Variants in DUSP15 observed in about 807,000 individuals in gnomAD.
DUSP15 encodes the protein dual specificity phosphatase 15, also known as dual specificity protein phosphatase 15.
Under a neutral mutation model 26.3 loss-of-function variants are expected in DUSP15, and 23 were observed. That is an observed-to-expected ratio of 0.87 (90% CI 0.63 to 1.24). DUSP15 has a LOEUF of 1.24. DUSP15 is among the 50% of genes most tolerant of loss of function. DUSP15 has a pLI of 0.00. For synonymous variants in DUSP15, 143 were observed against 135.5 expected (o/e 1.06, Z -0.39); for missense variants, 364 against 320.6 (o/e 1.14, Z -1.03).
downstream of DUSP15, among the ~76,000 whole-genome samples, chr20:31,856,529 C>T (rs139474810): frequency 3.3e-5 from 5 of 152,088 alleles, no homozygotes; most frequent in East Asian, 1.9e-4. Flanking sequence ...GCAGAGGGAC[C>T]GAAGAGACAT....
Position 31,870,308 on chromosome 20 carries a change from G to C in DUSP15, c.21+9C>G. The C allele has an allele frequency of 8.0e-7, 1 of 1,246,688 alleles. No individual in the cohort carries two copies. The allele number at this position is 1,246,688 out of a possible 1,614,324, so 77.2% of individuals were successfully genotyped here. ...GGACCGGGGAGGCTGCGCGGGGCCC[G>C]CCCCCTACCTTGGTCATGCCATTGC... On this transcript the variant is annotated intron_variant, in intron 1 of 6. Transcript: ENST00000339738. This position sits in a 1 kb window ranked among gnomAD's most constrained non-coding sequence, Gnocchi z 6.6.
intron 6 of DUSP15, among the ~76,000 whole-genome samples, chr20:31,853,078 C>G (rs1347941845): frequency 6.6e-6 from 1 of 152,172 alleles, no homozygotes; most frequent in East Asian, 1.9e-4. Context: ...TGCCCTCTCT[C>G]TCCCTCCTTT....
intron 3 of DUSP15, 52 bp from the exon 4 acceptor site, chr20:31,865,054 G>C: frequency 6.2e-7 from 1 of 1,604,188 alleles, no homozygotes. Flanking sequence ...AACCCTCCCT[G>C]ATGCTGGTCC....
At chr20:31,851,149 G>A (rs1382211586) in intron 6 of DUSP15, among the ~76,000 whole-genome samples, 2 of 152,188 alleles carry the variant, frequency 1.3e-5, no homozygotes, top group Non-Finnish European at 2.9e-5. Context: ...TAAAGAGAAA[G>A]TTGATGAAGA....
chr20:31,863,656 T>G, intron 5 of DUSP15: 1 of 480,290 alleles, frequency 2.1e-6, no homozygotes. Flanking sequence ...CAGGTCAGCT[T>G]TCTTTTCCGC....
intron 3 of DUSP15, among the ~76,000 whole-genome samples, chr20:31,866,271 G>T (rs1423635888): frequency 2.0e-5 from 3 of 152,168 alleles, no homozygotes; most frequent in African/African-American, 7.2e-5. Context: ...GGGTGAAGAG[G>T]CTCTGTTTAT....
At chr20:31,848,316 G>A (rs912081658) in exon 10 of DUSP15, 11 of 1,423,392 alleles carry the variant, frequency 7.7e-6, no homozygotes, top group Middle Eastern at 3.8e-4. Flanking sequence ...GCAGACCTGG[G>A]TGATGTGCCG....
intron 5 of DUSP15, chr20:31,863,626 A>G (rs1600472220): frequency 2.6e-6 from 1 of 386,936 alleles, no homozygotes; most frequent in Non-Finnish European, 4.8e-6. Context: ...GACCTCACCT[A>G]TCCCTCCCAA....
intron 7 of DUSP15, among the ~76,000 whole-genome samples, chr20:31,850,063 A>G (rs537219869): frequency 1.8e-4 from 27 of 152,372 alleles, no homozygotes; most frequent in Non-Finnish European, 3.5e-4. Flanking sequence ...AATAGCTTCC[A>G]GTATAAACGA....
downstream of DUSP15, among the ~76,000 whole-genome samples, chr20:31,846,673 G>A (rs1395964424): frequency 2.6e-5 from 4 of 152,120 alleles, no homozygotes. Context: ...GCAGGGAGGG[G>A]CACCTAGGAT....
chr20:31,870,208 G>A lies in DUSP15; in HGVS notation c.21+109C>T, dbSNP rs2062891474. ...CAGGGACACGGAGATGCCGCCGCACGGAGACCGGCGAGAACAGAAGGTCAG... is the reference window on the plus strand; with the variant it reads ...CAGGGACACGGAGATGCCGCCGCACAGAGACCGGCGAGAACAGAAGGTCAG... On this transcript the variant is annotated intron_variant, in intron 1 of 6. Transcript: ENST00000339738. The surrounding 1 kb of genome is among the most constrained non-coding windows in gnomAD (Gnocchi z 6.6). 8.2e-7 allele frequency: 1 copy of A among 1,226,172 alleles called. No homozygotes were observed. Among genetic ancestry groups the A allele is most frequent in the Non-Finnish European group, 1.0e-6 (1 of 984,064 alleles). 76.0% of individuals were successfully genotyped at this position (1,226,172 alleles called of 1,614,324 possible). A position where few individuals can be genotyped will look rare whatever the true frequency, so the allele number is the denominator to read the frequency against.
At chr20:31,845,605 C>T (rs947446479), downstream of DUSP15, 1 of 1,575,248 alleles carries the variant, frequency 6.3e-7, no homozygotes, top group Non-Finnish European at 8.6e-7. Context: ...GGGCTGGCGT[C>T]CGGAATAGCC....
At chr20:31,862,531 C>T (rs2062682473) in intron 6 of DUSP15, 40 bp downstream of exon 6, 1 of 1,542,146 alleles carries the variant, frequency 6.5e-7, no homozygotes, top group Non-Finnish European at 8.8e-7. Context: ...AGAAGGATCT[C>T]CCACCCCTGG....
At chr20:31,861,708 G>T (rs1453320104) in intron 6 of DUSP15, 33 bp from the exon 7 acceptor site, 1 of 1,201,426 alleles carries the variant, frequency 8.3e-7, no homozygotes, top group Non-Finnish European at 1.0e-6. Flanking sequence ...GCGGGGTCAA[G>T]GCCGGCGCGG....
chr20:31,867,667 C>T (rs1235744649), intron 2 of DUSP15, among the ~76,000 whole-genome samples: 6 of 87,844 alleles, frequency 6.8e-5, no homozygotes, highest in Admixed American at 3.4e-4. Flanking sequence ...TTTTTTGAGA[C>T]GGAGTCTTGC....
chr20:31,857,102 G>A (rs537316167), downstream of DUSP15, among the ~76,000 whole-genome samples: 2 of 152,196 alleles, frequency 1.3e-5, no homozygotes, highest in African/African-American at 4.8e-5. Flanking sequence ...GGGAGTTGGT[G>A]TAAGGAGACT....
rs1600431718 is a variant in DUSP15 at position 31,849,787 on chromosome 20, C to A, written c.579G>T (p.Pro193=). ...CCAGCAGGCGCTCGGCGGCCGCCCG[C>A]GGACTCAGACGACAGCGCTGGGCTG... The change falls in exon 8 of 10, where the codon CCG becomes CCT. Residue 193 remains proline (P), a synonymous_variant. Coordinates refer to the DUSP15 transcript ENST00000278979. 1.2e-5 allele frequency: 18 copies of A among 1,540,258 alleles called. No individual in the cohort carries two copies. In the East Asian group the frequency reaches 2.7e-4, roughly 23 times the overall value.
In DUSP15 at chr20:31,870,242, G is replaced by A. The variant is rs1279353373; in HGVS notation, c.21+75C>T. The A allele has an allele frequency of 4.9e-6, 6 of 1,225,740 alleles. No individual in the cohort carries two copies. In the South Asian group the frequency reaches 1.2e-4, roughly 25 times the overall value. 75.9% of individuals were successfully genotyped at this position (1,225,740 alleles called of 1,614,324 possible). Reference sequence around the variant, plus strand: ...CGAGAACAGAAGGTCAGAGGCGGGCGGACCGAGCTGGTCAGCGCCGGGCCG... The same window carrying A: ...CGAGAACAGAAGGTCAGAGGCGGGCAGACCGAGCTGGTCAGCGCCGGGCCG... On this transcript the variant is annotated intron_variant, in intron 1 of 6. Transcript: ENST00000339738. The surrounding 1 kb of genome is among the most constrained non-coding windows in gnomAD (Gnocchi z 6.6).
At chr20:31,867,631 GTTTTTTTTTTTTTTTTTTTTT>G (rs57662463) in intron 2 of DUSP15, among the ~76,000 whole-genome samples, 32 of 77,652 alleles carry the variant, frequency 4.1e-4, no homozygotes, top group Non-Finnish European at 6.4e-4. Context: ...TGCCCACAAT[GTTTTTTTTTTTTTTTTTTTTT>G]TTTTTTTTTT....
Sources: gnomAD v4.1 joint callset for allele counts (sites outside exome capture counted in the v4.1 genomes callset) on GRCh38, gnomAD v4.1.1 for gene constraint, Gnocchi (gnomAD v3.1) non-coding constraint, MANE v1.5 for transcripts, NCBI Gene and HGNC (gene_info 2026-07-23, HGNC 2026-07-21) for gene names.